UBE2F: variants seen among roughly 807,000 people sequenced by gnomAD.
UBE2F encodes the protein NEDD8-conjugating enzyme UBE2F.
A neutral mutation model predicts 29.6 loss-of-function variants in UBE2F; 5 were observed. The observed-to-expected ratio is 0.17, with a 90% CI of 0.09 to 0.36. The LOEUF is 0.36. UBE2F is among the 10% of genes least tolerant of loss of function. The pLI is 1.00. For synonymous variants in UBE2F, 66 were observed against 81.8 expected (o/e 0.81, Z 1.04); for missense variants, 141 against 228.5 (o/e 0.62, Z 2.47).
intron 3 of UBE2F, 107 bp from the exon 4 acceptor site, chr2:237,994,637 T>C: frequency 1.2e-6 from 1 of 830,958 alleles, no homozygotes; most frequent in Non-Finnish European, 2.0e-6. Flanking sequence ...CCATAAACCA[T>C]ACGAATCCCT....
At chr2:238,002,093 T>C (rs1403898806) in intron 4 of UBE2F, among the ~76,000 whole-genome samples, 1 of 137,558 alleles carries the variant, frequency 7.3e-6, no homozygotes, top group Non-Finnish European at 1.6e-5. Flanking sequence ...AGACAGAGTT[T>C]TGCTCTGTTG....
chr2:237,973,034 T>G (rs1206889989), intron 1 of UBE2F, 58 bp from the exon 2 acceptor site: 5 of 1,519,030 alleles, frequency 3.3e-6, no homozygotes, highest in Non-Finnish European at 4.4e-6. Context: ...TTTTTCTCAG[T>G]GTCTAATTAG....
In UBE2F at chr2:238,040,975, G is replaced by A. The variant is rs11899347; in HGVS notation, c.508-313G>A. ...AAAGGAGTCTTGGCTTTGTGACCTC[G>A]ACCACACTTTTCTGGGCTCCACTTT... On this transcript the variant is annotated intron_variant, in intron 9 of 9. Transcript: ENST00000272930. This position sits in a 1 kb window ranked among gnomAD's most constrained non-coding sequence, Gnocchi z 4.4. Among the ~76,000 whole-genome samples, 14,570 of 152,062 alleles carry A rather than the reference G, an allele frequency of 0.096. 986 individuals carry two copies. The highest frequency in any genetic ancestry group is 0.2 in the African/African-American group (8,130 of 41,440).
chr2:237,973,945 C>A (rs975213949), intron 2 of UBE2F, among the ~76,000 whole-genome samples: 1 of 151,808 alleles, frequency 6.6e-6, no homozygotes, highest in Non-Finnish European at 1.5e-5. Context: ...ACAGTTGCAA[C>A]CTTTAAGGAG....
chr2:238,010,896 T>C (rs1576621432), intron 4 of UBE2F, among the ~76,000 whole-genome samples: 1 of 152,218 alleles, frequency 6.6e-6, no homozygotes, highest in African/African-American at 2.4e-5. Flanking sequence ...TTTATCTTCA[T>C]GGTAGCAACT....
rs137958847 is a variant in UBE2F at position 237,985,410 on chromosome 2, C to T, written c.119-2553C>T. On this transcript the variant is annotated intron_variant, in intron 2 of 9. Transcript: ENST00000272930. ...GCCCTAGTCACCACCGTTTTCTGTT[C>T]CTTCATTTTGACTTTAGATTCTACA... 2.9e-3 allele frequency among the ~76,000 whole-genome samples: 441 copies of T among 152,078 alleles called. 1 individual carries two copies. Among genetic ancestry groups the T allele is most frequent in the African/African-American group, 0.01 (425 of 41,488 alleles).
At chr2:237,975,639 A>T (rs1420972207) in intron 2 of UBE2F, among the ~76,000 whole-genome samples, 1 of 152,104 alleles carries the variant, frequency 6.6e-6, no homozygotes, top group Non-Finnish European at 1.5e-5. Context: ...CTGTGAGGGC[A>T]CTGGGTTTGT....
intron 8 of UBE2F, among the ~76,000 whole-genome samples, chr2:238,034,786 A>G (rs1277152299): frequency 1.3e-5 from 2 of 152,202 alleles, no homozygotes; most frequent in Non-Finnish European, 2.9e-5. Flanking sequence ...CAAATTTAAC[A>G]TCATTCCTGA....
At chr2:237,977,566 C>A (rs1260300733) in intron 2 of UBE2F, among the ~76,000 whole-genome samples, 1 of 152,134 alleles carries the variant, frequency 6.6e-6, no homozygotes, top group African/African-American at 2.4e-5. Context: ...TAGAGTGCTC[C>A]TTTGTTTAGC....
At chr2:238,032,377 G>C (rs1457198822) in intron 8 of UBE2F, 123 bp downstream of exon 8, 7 of 834,558 alleles carry the variant, frequency 8.4e-6, no homozygotes, top group Non-Finnish European at 1.4e-5. Flanking sequence ...ACTGGGCACA[G>C]TGGCTCACGC....
In UBE2F at chr2:237,973,087, T is replaced by C; in HGVS notation, c.-16-5T>C. 1 of 1,600,202 alleles carries C rather than the reference T, an allele frequency of 6.2e-7. No homozygotes were observed. Among genetic ancestry groups the C allele is most frequent in the Non-Finnish European group, 8.6e-7 (1 of 1,169,092 alleles). ...CTTAACCCTGCTTTCATTGCTGTCT[T>C]TCAGGGTAAAGGCAGCAGTAATGCT... On this transcript the variant is annotated splice_region_variant and splice_polypyrimidine_tract_variant and intron_variant, in intron 1 of 9. Coordinates refer to ENST00000272930, the MANE Select transcript of UBE2F (RefSeq NM_080678.3).
chr2:237,975,490 G>C (rs1296088934), intron 2 of UBE2F, among the ~76,000 whole-genome samples: 1 of 152,134 alleles, frequency 6.6e-6, no homozygotes, highest in Non-Finnish European at 1.5e-5. Flanking sequence ...TTTTCATGTT[G>C]TATTAGGTTG....
intron 5 of UBE2F, among the ~76,000 whole-genome samples, chr2:238,017,185 A>G (rs115403835): frequency 0.019 from 2,861 of 152,340 alleles, 36 homozygotes; most frequent in Non-Finnish European, 0.028. Context: ...AGCGATAAAA[A>G]TGGTAAGTAG....
intron 4 of UBE2F, among the ~76,000 whole-genome samples, chr2:238,010,852 T>C (rs990278097): frequency 4.6e-5 from 7 of 152,234 alleles, no homozygotes; most frequent in African/African-American, 1.7e-4. Context: ...TGTGTCTGAT[T>C]TGAACTTCAC....
At position 237,967,138 on chromosome 2, in the gene UBE2F, G is replaced by A. The variant is rs1433557864; in HGVS notation, c.-17+6G>A. 7.7e-7 allele frequency: 1 copy of A among 1,291,586 alleles called. No individual in the cohort carries two copies. Among genetic ancestry groups the A allele is most frequent in the Non-Finnish European group, 9.8e-7 (1 of 1,015,498 alleles). 80.0% of individuals were successfully genotyped at this position (1,291,586 alleles called of 1,614,324 possible). On this transcript the variant is annotated splice_donor_region_variant and intron_variant, in intron 1 of 9. Transcript: ENST00000272930. The surrounding 1 kb of genome is among the most constrained non-coding windows in gnomAD (Gnocchi z 6.3). ...GCCTGTCTCGGGGAGCCCAGGTGAGGAGCGACCGTGCGGCTCTGCGGCGGG... is the reference window on the plus strand; with the variant it reads ...GCCTGTCTCGGGGAGCCCAGGTGAGAAGCGACCGTGCGGCTCTGCGGCGGG...
At chr2:238,017,769 T>C (rs1044994376) in intron 5 of UBE2F, among the ~76,000 whole-genome samples, 111 of 152,224 alleles carry the variant, frequency 7.3e-4, no homozygotes, top group African/African-American at 2.6e-3. Flanking sequence ...AAGCTGATGG[T>C]GCTGCCAGAG....
intron 3 of UBE2F, among the ~76,000 whole-genome samples, chr2:237,988,841 A>AG (rs1278985045): frequency 6.6e-6 from 1 of 152,084 alleles, no homozygotes; most frequent in East Asian, 1.9e-4. Flanking sequence ...TGCATGTTTG[A>AG]GGGGTGGCTG....
At chr2:237,986,080 C>T in intron 2 of UBE2F, 7 of 285,810 alleles carry the variant, frequency 2.4e-5, no homozygotes, top group Admixed American at 9.5e-5. Context: ...AGATATTAAT[C>T]TGTTTGTCGA....
chr2:237,976,297 C>T (rs779777859), intron 2 of UBE2F, among the ~76,000 whole-genome samples: 4 of 152,200 alleles, frequency 2.6e-5, no homozygotes, highest in Admixed American at 6.5e-5. Context: ...CAAGGAGGGC[C>T]TGGATGTCAG....
Sources: gnomAD v4.1 joint callset for allele counts (sites outside exome capture counted in the v4.1 genomes callset) on GRCh38, gnomAD v4.1.1 for gene constraint, Gnocchi (gnomAD v3.1) non-coding constraint, MANE v1.5 for transcripts, NCBI Gene and HGNC (gene_info 2026-07-23, HGNC 2026-07-21) for gene names.